Variants in SSR3 observed in about 807,000 individuals in gnomAD.
SSR3 encodes signal sequence receptor subunit 3, also known as translocon-associated protein subunit gamma.
A neutral mutation model predicts 22.1 loss-of-function variants in SSR3; 10 were observed. The ratio of observed to expected loss-of-function variants is 0.45; its 90% CI spans 0.28 to 0.77. The LOEUF (loss-of-function observed/expected upper bound fraction) is 0.77. SSR3 is among the 30% of genes least tolerant of loss of function. SSR3 has a pLI of 0.13. For missense variants in SSR3, 181 were observed against 220.5 expected (o/e 0.82, Z 1.13); for synonymous variants, 104 against 82.5 (o/e 1.26, Z -1.42).
intron 2 of SSR3, among the ~76,000 whole-genome samples, chr3:156,552,585 T>C (rs1720001945): frequency 6.6e-6 from 1 of 152,136 alleles, no homozygotes; most frequent in Non-Finnish European, 1.5e-5. Flanking sequence ...ATAATGCACA[T>C]ACAAAGTATG....
chr3:156,546,739 A>C (rs1302479786), intron 3 of SSR3, among the ~76,000 whole-genome samples: 1 of 152,206 alleles, frequency 6.6e-6, no homozygotes, highest in Non-Finnish European at 1.5e-5. Flanking sequence ...CTACAAGAGA[A>C]ATGTTGAGAC....
intron 3 of SSR3, 122 bp from the exon 4 acceptor site, chr3:156,544,561 T>C (rs778867335): frequency 2.9e-6 from 2 of 692,706 alleles, no homozygotes; most frequent in Non-Finnish European, 4.3e-6. Flanking sequence ...GGTAAGAATG[T>C]GTTTGTAATA....
chr3:156,553,549 T>C (rs1720037114), intron 2 of SSR3, 106 bp downstream of exon 2: 2 of 1,122,548 alleles, frequency 1.8e-6, no homozygotes, highest in Non-Finnish European at 2.5e-6. Context: ...TTAATATATA[T>C]ATCTCAAATT....
In SSR3 at chr3:156,549,021, A is replaced by G; in HGVS notation, c.261-18T>C. 1 of 1,602,628 alleles carries G rather than the reference A, an allele frequency of 6.2e-7. No homozygotes were observed. The highest frequency in any genetic ancestry group is 1.4e-5 in the African/African-American group (1 of 74,042). ...GTGCTACTCTGGAAGAAAAAGAAAA[A>G]AAGAAAAAGTTTCCATATGCTACAG... On this transcript the variant is annotated intron_variant, in intron 2 of 4. Transcript: ENST00000265044.
At chr3:156,545,733 G>GACATT (rs3836410) in intron 3 of SSR3, among the ~76,000 whole-genome samples, 21,044 of 152,076 alleles carry the variant, frequency 0.14, 1,482 homozygotes, top group East Asian at 0.21. Context: ...GGAAGGGAAG[G>GACATT]ACATTAAGTG....
At chr3:156,544,591 TC>T in intron 3 of SSR3, 152 bp from the exon 4 acceptor site, 1 of 512,398 alleles carries the variant, frequency 2.0e-6, no homozygotes, top group Non-Finnish European at 3.1e-6. Context: ...GTCAGAATTG[TC>T]CCCTTTCTTC....
rs1258492391 is a variant in SSR3, at chr3:156,540,118, AT to A, written c.*3084del. 1 of 152,252 alleles carries A rather than the reference AT, an allele frequency of 6.6e-6. No homozygotes were observed. Among genetic ancestry groups the A allele is most frequent in the Non-Finnish European group, 1.5e-5 (1 of 68,044 alleles). 9.4% of individuals were successfully genotyped at this position (152,252 alleles called of 1,614,324 possible). ...TTACGTACTTCATCATAGGATTCTT[AT>A]AAAGAAGTGTAGGGAAAATACAAAT... On this transcript the variant is annotated 3_prime_UTR_variant, in exon 5 of 5. Coordinates refer to ENST00000265044, the MANE Select transcript of SSR3 (RefSeq NM_007107.5).
Position 156,543,283 on chromosome 3 carries a change from A to G in SSR3, c.492-14T>C, listed in dbSNP as rs780208446. The G allele has an allele frequency of 6.2e-7, 1 of 1,609,664 alleles. No homozygotes were observed. On this transcript the variant is annotated splice_polypyrimidine_tract_variant and intron_variant, in intron 4 of 4. Coordinates refer to ENST00000265044, the MANE Select transcript of SSR3 (RefSeq NM_007107.5). ...AATATGTAGTTCCTGTAAGAAATTT[A>G]ATGTTATGGAAAAATGAGTAACTCC...
At chr3:156,545,143 G>A (rs1475275349) in intron 3 of SSR3, among the ~76,000 whole-genome samples, 1 of 152,142 alleles carries the variant, frequency 6.6e-6, no homozygotes, top group Non-Finnish European at 1.5e-5. Context: ...CTTCATTCTT[G>A]TTGGTTAATT....
rs1465372180 is a variant in SSR3, at chr3:156,539,570, T to C, written c.*3633A>G. On this transcript the variant is annotated 3_prime_UTR_variant, in exon 5 of 5. Coordinates refer to ENST00000265044, the MANE Select transcript of SSR3 (RefSeq NM_007107.5). ...GGGATAAGTCAGCGAAAAGATGATA[T>C]ATTGAAAATTCATGAAGGCCAACGA... 6.6e-6 allele frequency among the ~76,000 whole-genome samples: 1 copy of C among 152,158 alleles called. No individual in the cohort carries two copies. Among genetic ancestry groups the C allele is most frequent in the African/African-American group, 2.4e-5 (1 of 41,422 alleles).
chr3:156,553,236 C>T (rs181114977), intron 2 of SSR3, among the ~76,000 whole-genome samples: 4 of 151,476 alleles, frequency 2.6e-5, no homozygotes, highest in African/African-American at 4.9e-5. Context: ...GCAGACTGGG[C>T]AAGAACTAGA....
intron 2 of SSR3, chr3:156,551,471 G>A (rs1202607142): frequency 3.9e-5 from 6 of 152,048 alleles, no homozygotes; most frequent in Admixed American, 3.3e-4. Context: ...ATACAGTGGA[G>A]GCCCACATGA....
chr3:156,553,403 T>C (rs1559946266), intron 2 of SSR3, among the ~76,000 whole-genome samples: 1 of 152,230 alleles, frequency 6.6e-6, no homozygotes, highest in Admixed American at 6.5e-5. Flanking sequence ...GAACCTCATA[T>C]TAAGGCCTGT....
In SSR3 at chr3:156,542,860, A is replaced by G. The variant is rs1719614026; in HGVS notation, c.*343T>C. ...GAGAACCAGTTATTAACTTCCTACT[A>G]CTATTATATAATAAATAATAACAGC... is the stretch of plus-strand genomic sequence containing the variant. On this transcript the variant is annotated 3_prime_UTR_variant, in exon 5 of 5. Transcript: ENST00000265044. 4.5e-6 allele frequency: 1 copy of G among 222,342 alleles called. No homozygotes were observed. The allele number at this position is 222,342 out of a possible 1,614,324, so 13.8% of individuals were successfully genotyped here.
intron 2 of SSR3, 101 bp from the exon 3 acceptor site, chr3:156,549,104 G>C: frequency 8.7e-7 from 1 of 1,145,516 alleles, no homozygotes; most frequent in Non-Finnish European, 1.2e-6. Context: ...ACTGGCAACA[G>C]AATGATATTT....
Position 156,540,251 on chromosome 3 carries a change from ATCCTT to A in SSR3, c.*2947_*2951del, listed in dbSNP as rs756679048. On this transcript the variant is annotated 3_prime_UTR_variant, in exon 5 of 5. Transcript: ENST00000265044. Reference sequence around the variant, plus strand: ...TTAACTTCAAACCTTGTTTCAAATTATCCTTTCCAAGTTTCAATAATATGGCAAAT... The same window carrying A: ...TTAACTTCAAACCTTGTTTCAAATTATCCAAGTTTCAATAATATGGCAAAT... 4 of 152,230 alleles carry A rather than the reference ATCCTT, an allele frequency of 2.6e-5. No homozygotes were observed. Among genetic ancestry groups the A allele is most frequent in the Non-Finnish European group, 4.4e-5 (3 of 68,038 alleles). 9.4% of individuals were successfully genotyped at this position (152,230 alleles called of 1,614,324 possible).
intron 2 of SSR3, among the ~76,000 whole-genome samples, chr3:156,550,715 T>C (rs561921419): frequency 6.6e-6 from 1 of 152,334 alleles, no homozygotes; most frequent in African/African-American, 2.4e-5. Context: ...TTTCTTAAAA[T>C]AAAAACATCT....
At chr3:156,543,573 GGAGAGAAAAGA>G (rs1327331198) in intron 4 of SSR3, among the ~76,000 whole-genome samples, 1 of 152,174 alleles carries the variant, frequency 6.6e-6, no homozygotes, top group Admixed American at 6.5e-5. Context: ...CAAAGAACAT[GGAGAGAAAAGA>G]GATTTGTTTT....
intron 2 of SSR3, among the ~76,000 whole-genome samples, chr3:156,552,303 C>CAAA (rs1234560296): frequency 1.3e-5 from 1 of 76,624 alleles, no homozygotes; most frequent in Non-Finnish European, 2.6e-5. Context: ...GAGTCTGTCT[C>CAAA]AAAAAAAAAA....
Sources: gnomAD v4.1 joint callset for allele counts (sites outside exome capture counted in the v4.1 genomes callset) on GRCh38, gnomAD v4.1.1 for gene constraint, MANE v1.5 for transcripts, NCBI Gene and HGNC (gene_info 2026-07-23, HGNC 2026-07-21) for gene names.